The following RHCE variants were observed in gnomAD, a reference collection of about 807,000 sequenced individuals.
The protein encoded by RHCE is Rh blood group CcEe antigens, also known as blood group Rh(CE) polypeptide.
A neutral mutation model predicts 43.8 loss-of-function variants in RHCE; 22 were observed. The observed-to-expected ratio is 0.50, with a 90% CI of 0.36 to 0.72. The LOEUF is 0.72. RHCE is among the 30% of genes least tolerant of loss of function. The probability of loss-of-function intolerance (pLI) is 0.00; values close to 1 mark genes in which losing one functional copy is unlikely to be tolerated. For synonymous variants in RHCE, 156 were observed against 210.7 expected (o/e 0.74, Z 2.25); for missense variants, 385 against 525.4 (o/e 0.73, Z 2.61).
intron 7 of RHCE, among the ~76,000 whole-genome samples, chr1:25,380,291 T>G (rs1645953326): frequency 1.4e-5 from 2 of 141,432 alleles, no homozygotes; most frequent in Admixed American, 1.4e-4. Context: ...TTACTCTGTG[T>G]GCCACCTCCT....
chr1:25,381,605 C>A (rs1016190032), intron 7 of RHCE, among the ~76,000 whole-genome samples: 1 of 151,970 alleles, frequency 6.6e-6, no homozygotes, highest in South Asian at 2.1e-4. Flanking sequence ...TACAGGTGTG[C>A]GCCAGAGTGC....
At chr1:25,379,672 G>A (rs145982631) in intron 7 of RHCE, among the ~76,000 whole-genome samples, 366 of 148,328 alleles carry the variant, frequency 2.5e-3, no homozygotes, top group African/African-American at 8.8e-3. Context: ...CTCCAGCTAC[G>A]TTTATTTAAT....
At chr1:25,368,705 C>G (rs1324883740) in intron 9 of RHCE, among the ~76,000 whole-genome samples, 3 of 149,478 alleles carry the variant, frequency 2.0e-5, no homozygotes, top group Non-Finnish European at 4.4e-5. Flanking sequence ...GAATTAGGCT[C>G]AAAGTGTGGT....
chr1:25,386,875 A>G, intron 6 of RHCE, among the ~76,000 whole-genome samples: 1 of 148,528 alleles, frequency 6.7e-6, no homozygotes, highest in Non-Finnish European at 1.5e-5. Flanking sequence ...ACACACACAC[A>G]CACAAATTAG....
At chr1:25,429,221 G>GTTTTTTTT (rs386366538) in intron 1 of RHCE, among the ~76,000 whole-genome samples, 5 of 112,382 alleles carry the variant, frequency 4.4e-5, no homozygotes, top group Non-Finnish European at 7.0e-5. Context: ...TTCCTGGGAA[G>GTTTTTTTT]TTTTTTTTTT....
At chr1:25,378,626 A>C (rs1352278946) in intron 7 of RHCE, among the ~76,000 whole-genome samples, 1 of 152,152 alleles carries the variant, frequency 6.6e-6, no homozygotes, top group Non-Finnish European at 1.5e-5. Context: ...CCTCAGCTAC[A>C]AATTCCAACA....
chr1:25,394,934 G>A (rs1244253467), intron 3 of RHCE, among the ~76,000 whole-genome samples: 1 of 150,992 alleles, frequency 6.6e-6, no homozygotes. Flanking sequence ...AGAAACCCAG[G>A]CTGAATTGAA....
rs929602492 is a variant in RHCE at position 25,390,675 on chromosome 1, G to A, written c.801+74C>T. The A allele has an allele frequency of 1.9e-6, 3 of 1,548,948 alleles. No homozygotes were observed. The African/African-American group carries it at 4.1e-5, about 21-fold the overall frequency. ...CTCTCCCAACCCACGCTGGCCCTGG[G>A]GTGGGGAGGGGCATAAATATGTGTG... is the stretch of plus-strand genomic sequence containing the variant. On this transcript the variant is annotated intron_variant, in intron 5 of 9. Transcript: ENST00000294413.
rs370765677 is a variant in RHCE, at chr1:25,402,731, G to T, written c.351C>A (p.Thr117=). The T allele has an allele frequency of 8.1e-6, 13 of 1,614,058 alleles. No individual in the cohort carries two copies. The highest frequency in any genetic ancestry group is 1.3e-5 in the African/African-American group (1 of 74,906). Residue 117 remains threonine, a synonymous_variant, in exon 3 of 10, where the codon ACC becomes ACA. Coordinates refer to ENST00000294413, the MANE Select transcript of RHCE (RefSeq NM_020485.8). ...VITLFSIRLA[T]MSAMSVLISA... is the part of the protein sequence containing the mutation. ...AGATCAGCACCGACATAGCACTCAT[G>T]GTGGCCAGCCGAATACTGGGGGTGA... is the stretch of plus-strand genomic sequence containing the variant.
rs749601047 is a variant in RHCE, at chr1:25,420,759, G to A, written c.28C>T (p.Arg10Trp). MSSKYPRSV[R>W]RCLPLCALTL... ...AGGGCGCAGAGGGGCAGGCAGCGCC[G>A]GACAGACCGCGGGTACTTAGAGCTC... The change falls in exon 1 of 10, where the codon CGG becomes TGG. Residue 10 changes from arginine (R) to tryptophan (W), a missense_variant. Physicochemically the swap from Arg to Trp is moderately radical, Grantham distance 101 (BLOSUM62 -3). This residue lies in a region of RHCE where 110 missense variants were observed against 192.1 expected (regional missense o/e 0.57). Transcript: ENST00000294413. 2.5e-5 allele frequency: 40 copies of A among 1,609,022 alleles called. No individual in the cohort carries two copies. The highest frequency in any genetic ancestry group is 3.0e-5 in the Non-Finnish European group (35 of 1,177,376).
rs546412994 is a variant in RHCE, at chr1:25,399,533, T to C, written c.486+3063A>G. The stretch of plus-strand genomic sequence containing the variant: ...AAAGAGAATCCAGCTTTAGTATGAT[T>C]AGCATATGATCAAACTTCCATATTT... On this transcript the variant is annotated intron_variant, in intron 3 of 9. Coordinates refer to ENST00000294413, the MANE Select transcript of RHCE (RefSeq NM_020485.8). Among the ~76,000 whole-genome samples the C allele has an allele frequency of 6.1e-4, 93 of 152,008 alleles. 1 individual carries two copies. Among genetic ancestry groups the C allele is most frequent in the African/African-American group, 2.2e-3 (90 of 41,554 alleles).
At chr1:25,369,579 G>A (rs970931768) in intron 9 of RHCE, among the ~76,000 whole-genome samples, 4 of 151,388 alleles carry the variant, frequency 2.6e-5, no homozygotes, top group East Asian at 1.9e-4. Flanking sequence ...AATGTAACAC[G>A]GGACCCTCAG....
chr1:25,399,765 G>C (rs1294835391), intron 3 of RHCE, among the ~76,000 whole-genome samples: 1 of 152,094 alleles, frequency 6.6e-6, no homozygotes, highest in Non-Finnish European at 1.5e-5. Flanking sequence ...AGAAACGCTT[G>C]GAGTGCTTCT....
chr1:25,395,388 G>T (rs946994158), intron 3 of RHCE, among the ~76,000 whole-genome samples: 2 of 152,164 alleles, frequency 1.3e-5, no homozygotes, highest in African/African-American at 4.8e-5. Context: ...GGTGTACAGA[G>T]ATGTTAGATG....
intron 1 of RHCE, among the ~76,000 whole-genome samples, chr1:25,417,497 C>T (rs368580342): frequency 2.0e-5 from 3 of 152,058 alleles, no homozygotes; most frequent in Admixed American, 1.3e-4. Context: ...CAGTCACATT[C>T]GAGATTTAAA....
chr1:25,389,536 A>T (rs1264185976), intron 5 of RHCE, among the ~76,000 whole-genome samples: 1 of 152,096 alleles, frequency 6.6e-6, no homozygotes, highest in South Asian at 2.1e-4. Flanking sequence ...AGCTTTCCAA[A>T]ATATTGGGAT....
chr1:25,411,451 T>A (rs1647074856), intron 1 of RHCE: 3 of 1,549,556 alleles, frequency 1.9e-6, no homozygotes, highest in Non-Finnish European at 2.6e-6. Context: ...TAAATTCACT[T>A]CCATTGAAAC....
In RHCE at chr1:25,387,269, C is replaced by A. The variant is rs550562179; in HGVS notation, c.940-1425G>T. Among the ~76,000 whole-genome samples, 27 of 152,316 alleles carry A rather than the reference C, an allele frequency of 1.8e-4. No homozygotes were observed. In the East Asian group the frequency reaches 2.7e-3, roughly 15 times the overall value. On this transcript the variant is annotated intron_variant, in intron 6 of 9. Coordinates refer to ENST00000294413, the MANE Select transcript of RHCE (RefSeq NM_020485.8). ...TGTCTCTGCCTGGCTAATACTACTT[C>A]TCTGTCAACACTTGGCTGTCAACCG...
chr1:25,375,791 CT>C (rs1168607618), intron 7 of RHCE, among the ~76,000 whole-genome samples: 4,857 of 123,372 alleles, frequency 0.039, 407 homozygotes, highest in African/African-American at 0.15. Flanking sequence ...CTCTCTCTCT[CT>C]TTTTTTTTTT....
Sources: allele counts gnomAD v4.1 joint callset (sites outside exome capture counted in the v4.1 genomes callset), GRCh38; gene constraint gnomAD v4.1.1; regional missense constraint gnomAD v4.1.1; transcripts MANE v1.5; gene names NCBI Gene and HGNC (gene_info 2026-07-23, HGNC 2026-07-21).